Variants in ROBO2 observed in about 807,000 individuals in gnomAD.
ROBO2 encodes roundabout guidance receptor 2, also known as roundabout homolog 2.
Under a neutral mutation model 160.8 loss-of-function variants are expected in ROBO2, and 53 were observed. The observed-to-expected ratio is 0.33, with a 90% CI of 0.26 to 0.41. The LOEUF (loss-of-function observed/expected upper bound fraction) is 0.41, where lower values mean the gene tolerates loss of function less well. Among genes scored for constraint, ROBO2 ranks in the 10% least tolerant of loss-of-function variants. The probability of loss-of-function intolerance (pLI) is 1.00; values close to 1 mark genes in which losing one functional copy is unlikely to be tolerated. For synonymous variants in ROBO2, 664 were observed against 611.7 expected, an observed-to-expected ratio of 1.09 and a Z score of -1.26; for missense variants, 1,577 against 1,722.4, an observed-to-expected ratio of 0.92 and a Z score of 1.49.
At chr3:76,146,697 G>GGTGTGTGCGT (rs1553657638) in intron 2 of ROBO2, among the ~76,000 whole-genome samples, 4 of 136,440 alleles carry the variant, frequency 2.9e-5, no homozygotes, top group East Asian at 5.1e-4. Context: ...GATTACATAG[G>GGTGTGTGCGT]GTGTGTGTGT....
At chr3:76,734,441 C>T (rs1006750190) in intron 2 of ROBO2, among the ~76,000 whole-genome samples, 6 of 152,134 alleles carry the variant, frequency 3.9e-5, no homozygotes, top group African/African-American at 1.4e-4. Context: ...TTGGTTAGTA[C>T]TTTTACACAT....
chr3:76,857,684 A>G lies in ROBO2; in HGVS notation c.110-240330A>G, dbSNP rs2070281567. On this transcript the variant is annotated intron_variant, in intron 2 of 26. Transcript: ENST00000487694. Reference sequence around the variant, plus strand: ...CTAAGTTGTTTTCTCTACTTTACACACATCCCCTTCCAGCATATTCAACTT... The same window carrying G: ...CTAAGTTGTTTTCTCTACTTTACACGCATCCCCTTCCAGCATATTCAACTT... Among the ~76,000 whole-genome samples the G allele has an allele frequency of 2.6e-5, 4 of 152,102 alleles. No homozygotes were observed. In the South Asian group the frequency reaches 6.2e-4, roughly 24 times the overall value.
intron 2 of ROBO2, among the ~76,000 whole-genome samples, chr3:76,391,569 G>A (rs2077154815): frequency 6.6e-6 from 1 of 151,662 alleles, no homozygotes; most frequent in Admixed American, 6.6e-5. Context: ...AGGCTGGAGT[G>A]TGAGTGCAGT....
At chr3:77,128,428 G>A (rs2075547449) in intron 2 of ROBO2, among the ~76,000 whole-genome samples, 1 of 152,106 alleles carries the variant, frequency 6.6e-6, no homozygotes, top group Non-Finnish European at 1.5e-5. Flanking sequence ...ATCCAAGTGG[G>A]GGTTTTCGAA....
chr3:76,030,336 A>C (rs1240654992), intron 2 of ROBO2, among the ~76,000 whole-genome samples: 1 of 152,104 alleles, frequency 6.6e-6, no homozygotes, highest in Non-Finnish European at 1.5e-5. Context: ...CTCTGATGGC[A>C]GTTTCTTTTG....
intron 2 of ROBO2, among the ~76,000 whole-genome samples, chr3:76,946,958 T>A (rs2078590345): frequency 1.3e-5 from 2 of 152,250 alleles, no homozygotes; most frequent in African/African-American, 2.4e-5. Flanking sequence ...TAATGTCCAA[T>A]GTCTTGAAAA....
At chr3:77,071,839 C>T (rs2149841454) in intron 1 of ROBO2, among the ~76,000 whole-genome samples, 1 of 152,242 alleles carries the variant, frequency 6.6e-6, no homozygotes, top group East Asian at 1.9e-4. Context: ...CCTTCCAAAT[C>T]AATAACAAAT....
At chr3:76,692,783 G>T (rs931199499) in intron 2 of ROBO2, among the ~76,000 whole-genome samples, 5 of 151,784 alleles carry the variant, frequency 3.3e-5, no homozygotes, top group Admixed American at 2.6e-4. Context: ...ACTTTTGGGG[G>T]TATTTATATA....
chr3:77,583,594 A>G (rs1016161825), intron 16 of ROBO2, among the ~76,000 whole-genome samples: 2 of 152,116 alleles, frequency 1.3e-5, no homozygotes, highest in East Asian at 3.9e-4. Context: ...CCATACACCT[A>G]TTGTAATAGC....
intron 2 of ROBO2, among the ~76,000 whole-genome samples, chr3:77,410,555 TTCC>T (rs1308434163): frequency 1.2e-4 from 5 of 42,224 alleles, no homozygotes; most frequent in Admixed American, 4.2e-4. Flanking sequence ...CCTCCTCTTC[TTCC>T]TCCTCTTCTT....
chr3:76,536,530 GTA>G (rs967071358), intron 2 of ROBO2, among the ~76,000 whole-genome samples: 1 of 152,010 alleles, frequency 6.6e-6, no homozygotes, highest in African/African-American at 2.4e-5. Context: ...TGATAGCTTT[GTA>G]TGCTGCCTTT....
At chr3:76,278,101 A>T (rs140124408) in intron 2 of ROBO2, among the ~76,000 whole-genome samples, 1 of 152,054 alleles carries the variant, frequency 6.6e-6, no homozygotes, top group Admixed American at 6.6e-5. Flanking sequence ...ATTCTAATTA[A>T]TGATAAAGTT....
At chr3:76,747,941 A>C (rs1294382602) in intron 2 of ROBO2, among the ~76,000 whole-genome samples, 1 of 151,938 alleles carries the variant, frequency 6.6e-6, no homozygotes, top group Admixed American at 6.6e-5. Context: ...TCGAATTCTC[A>C]GGGGAGGAAT....
At chr3:76,006,025 T>A (rs1559824973) in intron 2 of ROBO2, among the ~76,000 whole-genome samples, 1 of 152,166 alleles carries the variant, frequency 6.6e-6, no homozygotes, top group East Asian at 1.9e-4. Context: ...TATGTTTGGT[T>A]TCTCCATTGT....
At chr3:76,288,815 A>G (rs952453220) in intron 2 of ROBO2, among the ~76,000 whole-genome samples, 1 of 152,122 alleles carries the variant, frequency 6.6e-6, no homozygotes, top group Admixed American at 6.6e-5. Flanking sequence ...TGCAAAGGAC[A>G]TGTTCTCATT....
At chr3:77,092,369 T>C (rs1184301244) in intron 1 of ROBO2, among the ~76,000 whole-genome samples, 1 of 151,850 alleles carries the variant, frequency 6.6e-6, no homozygotes, top group Non-Finnish European at 1.5e-5. Context: ...CTGGCACATT[T>C]TGGATTAAAG....
chr3:77,486,341 A>G (rs557540596), intron 4 of ROBO2, among the ~76,000 whole-genome samples: 1 of 152,190 alleles, frequency 6.6e-6, no homozygotes, highest in East Asian at 1.9e-4. Flanking sequence ...GAATCACCAC[A>G]CTGTCTTCCA....
rs763745841 is a variant in ROBO2 at position 77,221,369 on chromosome 3, A to G, written c.388+123029A>G. ...ACCTTTTGGTAAATACAGCAGAAAT[A>G]CAACTTCAGCCAGTTTAAATTAAAA... is the stretch of plus-strand genomic sequence containing the variant. On this transcript the variant is annotated intron_variant, in intron 2 of 25. Transcript: ENST00000461745. Among the ~76,000 whole-genome samples the G allele has an allele frequency of 2.0e-5, 3 of 152,232 alleles. No homozygotes were observed. The East Asian group carries it at 5.8e-4, about 29-fold the overall frequency.
intron 2 of ROBO2, among the ~76,000 whole-genome samples, chr3:76,583,126 G>A (rs1391122295): frequency 6.6e-6 from 1 of 152,104 alleles, no homozygotes; most frequent in Non-Finnish European, 1.5e-5. Flanking sequence ...GGAGTGCCAG[G>A]AGGCAAAACA....
Sources: allele counts gnomAD v4.1 joint callset (sites outside exome capture counted in the v4.1 genomes callset), GRCh38; gene constraint gnomAD v4.1.1; transcripts MANE v1.5; gene names NCBI Gene and HGNC (gene_info 2026-07-23, HGNC 2026-07-21).